Variants in QRFPR observed in about 807,000 individuals in gnomAD.
QRFPR encodes pyroglutamylated RFamide peptide receptor.
QRFPR carries 37 observed loss-of-function variants against 31.3 expected under a neutral mutation model. The ratio of observed to expected loss-of-function variants is 1.18; its 90% CI spans 0.91 to 1.56. The LOEUF (loss-of-function observed/expected upper bound fraction) is 1.56. Ranked by LOEUF, QRFPR falls within the 40% of genes most tolerant of loss-of-function variation. The probability of loss-of-function intolerance (pLI) is 0.00; values close to 1 mark genes in which losing one functional copy is unlikely to be tolerated. For missense variants in QRFPR, 542 were observed against 532.5 expected (o/e 1.02, Z -0.18); for synonymous variants, 197 against 192.0 (o/e 1.03, Z -0.22).
chr4:121,332,097 C>T (rs1473446828), intron 4 of QRFPR, among the ~76,000 whole-genome samples: 1 of 152,150 alleles, frequency 6.6e-6, no homozygotes, highest in Non-Finnish European at 1.5e-5. Context: ...AGCACTAGAG[C>T]ACTAGAGATC....
intron 2 of QRFPR, 62 bp from the exon 3 acceptor site, chr4:121,336,930 T>G: frequency 7.1e-7 from 1 of 1,399,974 alleles, no homozygotes; most frequent in Non-Finnish European, 1.0e-6. Context: ...CCATGCATAA[T>G]TATCTAACCC....
chr4:121,345,702 A>G (rs1310027147), intron 1 of QRFPR, among the ~76,000 whole-genome samples: 2 of 152,186 alleles, frequency 1.3e-5, no homozygotes, highest in Non-Finnish European at 2.9e-5. Context: ...ACTGCCTTCC[A>G]TTCTCAACTT....
At chr4:121,333,240 C>T (rs1725370490) in intron 3 of QRFPR, among the ~76,000 whole-genome samples, 184 bp from the exon 4 acceptor site, 1 of 152,178 alleles carries the variant, frequency 6.6e-6, no homozygotes, top group African/African-American at 2.4e-5. Context: ...CACTTCACTG[C>T]TTAAGTTCTT....
intron 1 of QRFPR, among the ~76,000 whole-genome samples, chr4:121,372,123 G>A (rs776441341): frequency 2.6e-5 from 4 of 152,134 alleles, no homozygotes; most frequent in South Asian, 2.1e-4. Context: ...TACACTCAAC[G>A]GAAACCAAAC....
intron 1 of QRFPR, among the ~76,000 whole-genome samples, chr4:121,347,529 G>A (rs1005799109): frequency 6.6e-6 from 1 of 152,010 alleles, no homozygotes; most frequent in Non-Finnish European, 1.5e-5. Context: ...AAGGTTTTAG[G>A]GGATGTATTT....
At chr4:121,334,039 C>T (rs1725387248) in intron 3 of QRFPR, among the ~76,000 whole-genome samples, 1 of 152,160 alleles carries the variant, frequency 6.6e-6, no homozygotes, top group South Asian at 2.1e-4. Context: ...AGGAATAACA[C>T]TCACTGAAAA....
intron 1 of QRFPR, among the ~76,000 whole-genome samples, chr4:121,342,742 T>C (rs933469555): frequency 2.0e-5 from 3 of 152,182 alleles, no homozygotes; most frequent in African/African-American, 7.2e-5. Context: ...GCTTTAAGAA[T>C]GGCAATACGT....
chr4:121,361,753 T>C (rs1423877411), intron 1 of QRFPR, among the ~76,000 whole-genome samples: 5 of 150,102 alleles, frequency 3.3e-5, no homozygotes, highest in Non-Finnish European at 7.4e-5. Context: ...AGGAACAATA[T>C]TTCCCAGACT....
intron 1 of QRFPR, among the ~76,000 whole-genome samples, chr4:121,365,183 C>T (rs1474455171): frequency 6.7e-6 from 1 of 148,700 alleles, no homozygotes; most frequent in Non-Finnish European, 1.5e-5. Flanking sequence ...CATCCTTATA[C>T]ACAACACAAA....
chr4:121,356,447 A>G (rs1298922354), intron 1 of QRFPR, among the ~76,000 whole-genome samples: 3 of 152,162 alleles, frequency 2.0e-5, no homozygotes, highest in Non-Finnish European at 4.4e-5. Context: ...TGGTGAAGTC[A>G]TATTTTCTTG....
At position 121,359,633 on chromosome 4, in the gene QRFPR, A is replaced by ATGTGTG. The variant is rs35744650; in HGVS notation, c.341-19029_341-19024dup. ...TAATACTTAGTAAACTCATATATATATGTGTGTGTGTGTATATATATGTGT... is the reference window on the plus strand; with the variant it reads ...TAATACTTAGTAAACTCATATATATATGTGTGTGTGTGTGTGTGTATATATATGTGT... On this transcript the variant is annotated intron_variant, in intron 1 of 5. Transcript: ENST00000394427. Among the ~76,000 whole-genome samples, 852 of 150,108 alleles carry ATGTGTG rather than the reference A, an allele frequency of 5.7e-3. 12 individuals are homozygous for ATGTGTG. The highest frequency in any genetic ancestry group is 0.02 in the African/African-American group (821 of 40,858).
intron 1 of QRFPR, among the ~76,000 whole-genome samples, chr4:121,362,368 G>A (rs11726005): frequency 0.27 from 40,795 of 149,094 alleles, 7,721 homozygotes; most frequent in Non-Finnish European, 0.36. Flanking sequence ...AAAGTGGGGA[G>A]AGGAGACAAT....
chr4:121,332,858 G>T lies in QRFPR; in HGVS notation c.760C>A (p.Arg254=). 6.2e-7 allele frequency: 1 copy of T among 1,613,912 alleles called. No homozygotes were observed. The highest frequency in any genetic ancestry group is 8.5e-7 in the Non-Finnish European group (1 of 1,179,860). Residue 254 remains arginine (R), a synonymous_variant, in exon 4 of 6, where the codon CGA becomes AGA. Coordinates refer to ENST00000394427, the MANE Select transcript of QRFPR (RefSeq NM_198179.3). ...KKRVGDGSVL[R]TIHGKEMSKI... is the part of the protein sequence containing the mutation. ...GACATTTCTTTTCCATGAATAGTTC[G>T]AAGCACTGAACCATCCCCAACTCTT...
At chr4:121,368,159 G>A (rs906567240) in intron 1 of QRFPR, among the ~76,000 whole-genome samples, 3 of 149,786 alleles carry the variant, frequency 2.0e-5, no homozygotes, top group African/African-American at 7.4e-5. Context: ...ATAAAGGGAT[G>A]AGGCTCATTT....
intron 4 of QRFPR, among the ~76,000 whole-genome samples, chr4:121,330,820 A>T (rs141080653): frequency 3.7e-3 from 558 of 152,308 alleles, no homozygotes; most frequent in African/African-American, 0.013. Context: ...TGAGACACAC[A>T]GAAGGTTAAT....
At chr4:121,341,768 A>G (rs1359869231) in intron 1 of QRFPR, among the ~76,000 whole-genome samples, 1 of 152,142 alleles carries the variant, frequency 6.6e-6, no homozygotes, top group Non-Finnish European at 1.5e-5. Flanking sequence ...ATCCCAAAAA[A>G]TCTGAAATCT....
chr4:121,340,701 C>A (rs1175485028), intron 1 of QRFPR, 91 bp from the exon 2 acceptor site: 3 of 1,268,268 alleles, frequency 2.4e-6, no homozygotes, highest in African/African-American at 3.0e-5. Context: ...TCAGTCCATT[C>A]TGAGCCTCTG....
intron 1 of QRFPR, among the ~76,000 whole-genome samples, chr4:121,375,764 A>C (rs1200310650): frequency 6.6e-6 from 1 of 152,234 alleles, no homozygotes; most frequent in Admixed American, 6.5e-5. Context: ...AAATAAGAGA[A>C]AGATTGAGAA....
intron 3 of QRFPR, among the ~76,000 whole-genome samples, chr4:121,336,488 A>G (rs1725440053): frequency 1.3e-5 from 2 of 152,178 alleles, no homozygotes; most frequent in African/African-American, 4.8e-5. Context: ...CAATCATTCA[A>G]CTCTTAAAAT....
Sources: gnomAD v4.1 joint callset for allele counts (sites outside exome capture counted in the v4.1 genomes callset) on GRCh38, gnomAD v4.1.1 for gene constraint, MANE v1.5 for transcripts, NCBI Gene and HGNC (gene_info 2026-07-23, HGNC 2026-07-21) for gene names.